Variants in SUPT3H observed in about 807,000 individuals in gnomAD.
The protein encoded by SUPT3H is SPT3 homolog, SAGA and STAGA complex component.
Under a neutral mutation model 44.3 loss-of-function variants are expected in SUPT3H, and 44 were observed. The ratio of observed to expected loss-of-function variants is 0.99; its 90% CI spans 0.78 to 1.28. SUPT3H has a LOEUF of 1.28. SUPT3H is among the 50% of genes most tolerant of loss of function. The pLI is 0.00. For synonymous variants in SUPT3H, 124 were observed against 125.6 expected (o/e 0.99, Z 0.09); for missense variants, 380 against 387.1 (o/e 0.98, Z 0.15).
At chr6:45,055,999 C>CA (rs1233000166) in intron 3 of SUPT3H, among the ~76,000 whole-genome samples, 2 of 151,830 alleles carry the variant, frequency 1.3e-5, no homozygotes, top group South Asian at 2.1e-4. Flanking sequence ...ATAATCTCAT[C>CA]AAAAAATGGG....
chr6:44,989,533 G>A (rs1033022040), intron 6 of SUPT3H, among the ~76,000 whole-genome samples: 27 of 152,072 alleles, frequency 1.8e-4, no homozygotes, highest in African/African-American at 6.5e-4. Context: ...AAGCAGCATT[G>A]CTGGATCATC....
downstream of SUPT3H, among the ~76,000 whole-genome samples, chr6:44,821,925 TG>T (rs1157598253): frequency 6.6e-6 from 1 of 152,188 alleles, no homozygotes; most frequent in East Asian, 1.9e-4. Context: ...CACTGATCCC[TG>T]CATTCTATAA....
rs541685738 is a variant in SUPT3H, at chr6:44,813,821, TAAG to T, written c.*53-4323_*53-4321del. Among the ~76,000 whole-genome samples the T allele has an allele frequency of 3.1e-4, 46 of 150,084 alleles. No individual in the cohort carries two copies. The South Asian group carries it at 4.4e-3, about 14-fold the overall frequency. ...ATATTGAAGCAGAGAGAAAAGGAAATAAGAAATACAGAAAAGGGTACAGAAGAC... is the reference window on the plus strand; with the variant it reads ...ATATTGAAGCAGAGAGAAAAGGAAATAAATACAGAAAAGGGTACAGAAGAC... On this transcript the variant is annotated intron_variant and NMD_transcript_variant, in intron 11 of 11. Transcript: ENST00000475057.
intron 2 of SUPT3H, among the ~76,000 whole-genome samples, chr6:45,272,386 C>A (rs929298154): frequency 6.6e-6 from 1 of 152,038 alleles, no homozygotes; most frequent in African/African-American, 2.4e-5. Flanking sequence ...GTAAGTGTCA[C>A]GAGATCTGAT....
At position 45,034,448 on chromosome 6, in the gene SUPT3H, T is replaced by C. The variant is rs1210455023; in HGVS notation, c.187-13816A>G. Among the ~76,000 whole-genome samples the C allele has an allele frequency of 3.3e-5, 5 of 152,124 alleles. No individual in the cohort carries two copies. In the East Asian group the frequency reaches 9.6e-4, roughly 29 times the overall value. ...GAGAAGACATTTAGTGTCATATAAGTCTTTAGAATTATCAAGAACAGCCTC... is the reference window on the plus strand; with the variant it reads ...GAGAAGACATTTAGTGTCATATAAGCCTTTAGAATTATCAAGAACAGCCTC... On this transcript the variant is annotated intron_variant, in intron 3 of 10. Coordinates refer to ENST00000371459, the MANE Select transcript of SUPT3H (RefSeq NM_003599.4).
At chr6:44,892,283 C>T (rs1763428140) in intron 10 of SUPT3H, among the ~76,000 whole-genome samples, 1 of 151,994 alleles carries the variant, frequency 6.6e-6, no homozygotes, top group Non-Finnish European at 1.5e-5. Context: ...GGATTGGTGG[C>T]TTTATAAGAT....
intron 2 of SUPT3H, among the ~76,000 whole-genome samples, chr6:45,195,845 G>C (rs1815926975): frequency 1.3e-5 from 2 of 152,024 alleles, no homozygotes; most frequent in African/African-American, 4.8e-5. Context: ...TGAGTCTTTA[G>C]TTTGAATCTC....
chr6:45,273,921 A>G (rs893317032), intron 2 of SUPT3H, among the ~76,000 whole-genome samples: 4 of 152,232 alleles, frequency 2.6e-5, no homozygotes, highest in African/African-American at 9.6e-5. Context: ...GCCACACCAT[A>G]GCACATTCCC....
chr6:45,319,613 C>A (rs889324002), intron 2 of SUPT3H, among the ~76,000 whole-genome samples: 2 of 152,088 alleles, frequency 1.3e-5, no homozygotes, highest in African/African-American at 4.8e-5. Flanking sequence ...TCAGTAGTAA[C>A]CACCATCATC....
intron 3 of SUPT3H, among the ~76,000 whole-genome samples, chr6:45,050,319 G>A (rs1166865856): frequency 6.9e-6 from 1 of 144,532 alleles, no homozygotes; most frequent in Non-Finnish European, 1.5e-5. Context: ...GTAAAAAGAA[G>A]ATACTTCCAT....
At chr6:45,206,806 C>T (rs1368029646) in intron 2 of SUPT3H, among the ~76,000 whole-genome samples, 3 of 151,962 alleles carry the variant, frequency 2.0e-5, no homozygotes, top group Non-Finnish European at 4.4e-5. Context: ...AAATAGATTG[C>T]TGAGATGAGG....
intron 2 of SUPT3H, among the ~76,000 whole-genome samples, chr6:45,229,662 C>T (rs915025012): frequency 1.3e-5 from 2 of 152,234 alleles, no homozygotes; most frequent in Non-Finnish European, 2.9e-5. Context: ...CTCCTTCAAA[C>T]CCCAGCCTAA....
chr6:44,885,481 C>T (rs1201094183), intron 10 of SUPT3H, among the ~76,000 whole-genome samples: 1 of 152,198 alleles, frequency 6.6e-6, no homozygotes, highest in Non-Finnish European at 1.5e-5. Context: ...TCTGCAGCCA[C>T]CGCTGCTGTT....
intron 2 of SUPT3H, among the ~76,000 whole-genome samples, chr6:45,283,996 T>A (rs953396045): frequency 7.2e-5 from 11 of 152,048 alleles, no homozygotes; most frequent in African/African-American, 2.7e-4. Flanking sequence ...ACTGGGTACA[T>A]AATGAAATAT....
chr6:44,859,648 G>C (rs1262735421), intron 10 of SUPT3H, among the ~76,000 whole-genome samples: 2 of 152,124 alleles, frequency 1.3e-5, no homozygotes, highest in African/African-American at 4.8e-5. Flanking sequence ...AACTCTCCTA[G>C]GGTCCTGTCC....
intron 2 of SUPT3H, among the ~76,000 whole-genome samples, chr6:45,318,040 T>C (rs1392551580): frequency 6.6e-6 from 1 of 152,134 alleles, no homozygotes; most frequent in African/African-American, 2.4e-5. Context: ...AGCCTCACCC[T>C]CAGGAATAGA....
intron 2 of SUPT3H, among the ~76,000 whole-genome samples, chr6:45,288,579 ATATG>A (rs1181901511): frequency 2.0e-5 from 1 of 51,274 alleles, no homozygotes; most frequent in Non-Finnish European, 5.0e-5. Context: ...ATATATATAT[ATATG>A]TATATATATA....
chr6:45,153,322 C>T (rs780345572), intron 2 of SUPT3H, among the ~76,000 whole-genome samples: 2 of 152,130 alleles, frequency 1.3e-5, no homozygotes, highest in African/African-American at 2.4e-5. Context: ...ATGCCTTAGG[C>T]ATGATAGGCA....
At position 44,840,719 on chromosome 6, in the gene SUPT3H, TA is replaced by T. The variant is rs547122964; in HGVS notation, c.913-10863del. On this transcript the variant is annotated intron_variant, in intron 10 of 10. Transcript: ENST00000371459. ...TATAGGATTTCAGCAATTACATGTG[TA>T]AAACTATTTCCTATAGTGGTTTCCT... Among the ~76,000 whole-genome samples, 26 of 152,358 alleles carry T rather than the reference TA, an allele frequency of 1.7e-4. No homozygotes were observed. In the South Asian group the frequency reaches 5.4e-3, roughly 32 times the overall value.
Sources: allele counts gnomAD v4.1 joint callset (sites outside exome capture counted in the v4.1 genomes callset), GRCh38; gene constraint gnomAD v4.1.1; transcripts MANE v1.5; gene names NCBI Gene and HGNC (gene_info 2026-07-23, HGNC 2026-07-21).